The following GALNT13 variants were observed in gnomAD, a reference collection of about 807,000 sequenced individuals.
GALNT13 encodes polypeptide N-acetylgalactosaminyltransferase 13.
Under a neutral mutation model 64.2 loss-of-function variants are expected in GALNT13, and 28 were observed. That is an observed-to-expected ratio of 0.44 (90% CI 0.32 to 0.60). The LOEUF is 0.60. Ranked by LOEUF, GALNT13 falls within the 20% of genes least tolerant of loss-of-function variation. The pLI is 0.05. For synonymous variants in GALNT13, 214 were observed against 224.6 expected (o/e 0.95, Z 0.42); for missense variants, 577 against 669.8 (o/e 0.86, Z 1.53).
At chr2:153,549,859 C>G in the GALNT13 span, among the ~76,000 whole-genome samples, 4 of 152,192 alleles carry the variant, frequency 2.6e-5, no homozygotes, top group Non-Finnish European at 4.4e-5. Context: ...TATCTGGCAG[C>G]GTCTGACCAG....
At chr2:153,303,562 C>G in the GALNT13 span, among the ~76,000 whole-genome samples, 2 of 152,100 alleles carry the variant, frequency 1.3e-5, no homozygotes, top group African/African-American at 4.8e-5. Flanking sequence ...CCTATTTTCT[C>G]TGGCTAGGAT....
At chr2:153,331,000 AT>A in the GALNT13 span, among the ~76,000 whole-genome samples, 1 of 152,116 alleles carries the variant, frequency 6.6e-6, no homozygotes, top group Non-Finnish European at 1.5e-5. Context: ...ATATTCAATT[AT>A]ATTGAAAGCT....
the GALNT13 span, among the ~76,000 whole-genome samples, chr2:153,474,998 G>T: frequency 1.3e-5 from 2 of 152,158 alleles, no homozygotes; most frequent in African/African-American, 4.8e-5. Context: ...CTCTGGGAAA[G>T]GACCGACACT....
chr2:153,839,183 G>C, the GALNT13 span, among the ~76,000 whole-genome samples: 13 of 151,656 alleles, frequency 8.6e-5, no homozygotes, highest in Non-Finnish European at 1.8e-4. Context: ...TTAGAGTTTT[G>C]TATATATAAA....
At chr2:153,733,160 A>C in the GALNT13 span, among the ~76,000 whole-genome samples, 1 of 152,198 alleles carries the variant, frequency 6.6e-6, no homozygotes, top group African/African-American at 2.4e-5. Flanking sequence ...GGAAAAATAA[A>C]CCCTTGTTTG....
the GALNT13 span, among the ~76,000 whole-genome samples, chr2:153,781,719 G>A: frequency 6.6e-6 from 1 of 151,796 alleles, no homozygotes; most frequent in Admixed American, 6.6e-5. Context: ...ACTAAATGTA[G>A]CAGATTTAAC....
the GALNT13 span, among the ~76,000 whole-genome samples, chr2:153,742,976 GGA>G: frequency 7.8e-6 from 1 of 127,906 alleles, no homozygotes; most frequent in African/African-American, 3.0e-5. Flanking sequence ...AGGGGCAAGG[GGA>G]GGAGAAGTGG....
At chr2:153,552,286 TAGAAAC>T in the GALNT13 span, among the ~76,000 whole-genome samples, 17 of 152,010 alleles carry the variant, frequency 1.1e-4, no homozygotes, top group African/African-American at 4.1e-4. Context: ...AAGGGTAAAA[TAGAAAC>T]AGAGCATTAA....
At chr2:154,105,676 A>G (rs1208850062) in intron 3 of GALNT13, among the ~76,000 whole-genome samples, 2 of 152,324 alleles carry the variant, frequency 1.3e-5, no homozygotes, top group Non-Finnish European at 2.9e-5. Flanking sequence ...TGACAAAAAT[A>G]CAAGTTTGTT....
the GALNT13 span, among the ~76,000 whole-genome samples, chr2:153,442,125 A>T: frequency 1.3e-5 from 2 of 152,174 alleles, no homozygotes; most frequent in Non-Finnish European, 2.9e-5. Flanking sequence ...CAGTCCATCA[A>T]TACCTAGTTT....
At chr2:153,987,040 A>G (rs1217103715) in intron 3 of GALNT13, among the ~76,000 whole-genome samples, 1 of 151,904 alleles carries the variant, frequency 6.6e-6, no homozygotes, top group Non-Finnish European at 1.5e-5. Context: ...TAGTCCAAAG[A>G]GAAGAGAGGA....
chr2:153,405,640 G>T, the GALNT13 span, among the ~76,000 whole-genome samples: 7 of 152,270 alleles, frequency 4.6e-5, no homozygotes, highest in African/African-American at 1.2e-4. Flanking sequence ...ATGATTTATA[G>T]GTTGGAGTCT....
At chr2:153,187,762 T>C in the GALNT13 span, among the ~76,000 whole-genome samples, 2 of 152,186 alleles carry the variant, frequency 1.3e-5, no homozygotes, top group Non-Finnish European at 2.9e-5. Context: ...AATAGCTTGG[T>C]ACCAAAACTT....
the GALNT13 span, among the ~76,000 whole-genome samples, chr2:153,475,390 T>A: frequency 6.6e-6 from 1 of 152,220 alleles, no homozygotes; most frequent in Admixed American, 6.5e-5. Flanking sequence ...GCTTGTTTCA[T>A]GCACAATTTC....
chr2:153,385,483 C>T, the GALNT13 span, among the ~76,000 whole-genome samples: 1 of 151,852 alleles, frequency 6.6e-6, no homozygotes, highest in South Asian at 2.1e-4. Flanking sequence ...ATCTAAAAGT[C>T]AAAACAATTA....
At chr2:153,680,130 A>G in the GALNT13 span, among the ~76,000 whole-genome samples, 8 of 152,058 alleles carry the variant, frequency 5.3e-5, no homozygotes, top group South Asian at 1.7e-3. Context: ...ATATGTGTTG[A>G]ATAAATAGAT....
the GALNT13 span, among the ~76,000 whole-genome samples, chr2:153,097,132 A>C: frequency 7.2e-5 from 11 of 152,176 alleles, no homozygotes; most frequent in Admixed American, 6.5e-4. Context: ...ATAAACAAGC[A>C]AAAGGAAAAC....
chr2:154,283,418 C>A lies in GALNT13; in HGVS notation c.976-17991C>A, dbSNP rs140048685. On this transcript the variant is annotated intron_variant, in intron 8 of 12. Transcript: ENST00000392825. ...TTATCAATATTAATAGATCAATGAT[C>A]AATTATTATTGAGCACTGATATGAG... Among the ~76,000 whole-genome samples, 132 of 151,648 alleles carry A rather than the reference C, an allele frequency of 8.7e-4. 3 individuals are homozygous for A. In the East Asian group the frequency reaches 0.019, roughly 22 times the overall value.
chr2:153,821,089 TAAAAC>T, the GALNT13 span, among the ~76,000 whole-genome samples: 1 of 152,232 alleles, frequency 6.6e-6, no homozygotes, highest in African/African-American at 2.4e-5. Flanking sequence ...CCCAGATTCT[TAAAAC>T]AAATACTTAT....
Sources: allele counts gnomAD v4.1 joint callset (sites outside exome capture counted in the v4.1 genomes callset), GRCh38; gene constraint gnomAD v4.1.1; transcripts MANE v1.5; gene names NCBI Gene and HGNC (gene_info 2026-07-23, HGNC 2026-07-21).